CHMP4B: variants seen among roughly 807,000 people sequenced by gnomAD.
The protein encoded by CHMP4B is SNF7 homolog associated with Alix 1.
A neutral mutation model predicts 25.1 loss-of-function variants in CHMP4B; 1 was observed. The observed-to-expected ratio is 0.04, with a 90% CI of 0.01 to 0.19. CHMP4B has a LOEUF of 0.19. CHMP4B is among the 10% of genes least tolerant of loss of function. The pLI, the probability that CHMP4B is intolerant of heterozygous loss-of-function variation, is 1.00. For synonymous variants in CHMP4B, 101 were observed against 115.6 expected (o/e 0.87, Z 0.81); for missense variants, 151 against 289.7 (o/e 0.52, Z 3.48).
At chr20:33,851,897 G>C (rs893019094) in intron 3 of CHMP4B, among the ~76,000 whole-genome samples, 180 bp from the exon 4 acceptor site, 1 of 152,124 alleles carries the variant, frequency 6.6e-6, no homozygotes, top group Non-Finnish European at 1.5e-5. Context: ...GCAGTGATAC[G>C]TTCCCCAGTA....
chr20:33,821,404 A>AT (rs1449263737), intron 1 of CHMP4B, among the ~76,000 whole-genome samples: 2 of 151,970 alleles, frequency 1.3e-5, no homozygotes, highest in Admixed American at 1.3e-4. Flanking sequence ...AAAAAAAAAA[A>AT]AATCCTGGTT....
intron 1 of CHMP4B, among the ~76,000 whole-genome samples, chr20:33,818,636 G>A: frequency 6.6e-6 from 1 of 152,218 alleles, no homozygotes; most frequent in Non-Finnish European, 1.5e-5. Flanking sequence ...AAGAATGTGG[G>A]ATTTGGGGAC....
intron 1 of CHMP4B, among the ~76,000 whole-genome samples, chr20:33,833,146 G>T (rs192756436): frequency 1.9e-3 from 289 of 152,186 alleles, no homozygotes; most frequent in Admixed American, 2.6e-3. Flanking sequence ...TCCTCATATG[G>T]ATTTAGAGAA....
intron 2 of CHMP4B, 39 bp from the exon 3 acceptor site, chr20:33,850,913 C>A: frequency 6.8e-7 from 1 of 1,468,132 alleles, no homozygotes; most frequent in Non-Finnish European, 9.5e-7. Context: ...TTTACGCAGC[C>A]TAATCGATTG....
At chr20:33,827,131 C>G (rs1001567838) in intron 1 of CHMP4B, among the ~76,000 whole-genome samples, 1 of 152,210 alleles carries the variant, frequency 6.6e-6, no homozygotes, top group Non-Finnish European at 1.5e-5. Context: ...TGTCCTACCC[C>G]TGGGTGCCCC....
chr20:33,828,355 C>A (rs981656605), intron 1 of CHMP4B, among the ~76,000 whole-genome samples: 1 of 152,206 alleles, frequency 6.6e-6, no homozygotes, highest in South Asian at 2.1e-4. Flanking sequence ...ACCTGTTTCT[C>A]AACAGACGCT....
intron 1 of CHMP4B, among the ~76,000 whole-genome samples, chr20:33,812,633 G>A (rs1978664924): frequency 6.6e-6 from 1 of 152,230 alleles, no homozygotes; most frequent in African/African-American, 2.4e-5. Context: ...TTATGGCCAT[G>A]TGAGAGTGAA....
chr20:33,846,607 C>T (rs1979695617), intron 1 of CHMP4B, among the ~76,000 whole-genome samples: 1 of 152,174 alleles, frequency 6.6e-6, no homozygotes, highest in South Asian at 2.1e-4. Flanking sequence ...ATACGCAGGC[C>T]AAGCCGTTTT....
At chr20:33,817,606 A>G (rs1978818262) in intron 1 of CHMP4B, among the ~76,000 whole-genome samples, 1 of 152,174 alleles carries the variant, frequency 6.6e-6, no homozygotes. Flanking sequence ...TAATTTGTTT[A>G]CAGTGGTCCA....
intron 1 of CHMP4B, among the ~76,000 whole-genome samples, chr20:33,846,424 A>T (rs193280996): frequency 1.2e-3 from 181 of 152,346 alleles, no homozygotes; most frequent in African/African-American, 4.1e-3. Flanking sequence ...CAACATCAGA[A>T]TCAAGGGAGA....
At chr20:33,852,302 G>A in intron 4 of CHMP4B, 99 bp downstream of exon 4, 5 of 1,439,234 alleles carry the variant, frequency 3.5e-6, no homozygotes, top group Non-Finnish European at 4.9e-6. Flanking sequence ...TTGGTTTGTG[G>A]TCGGTTGGCT....
intron 1 of CHMP4B, among the ~76,000 whole-genome samples, chr20:33,823,206 G>GTAC (rs1439725341): frequency 6.6e-6 from 1 of 151,844 alleles, no homozygotes; most frequent in Non-Finnish European, 1.5e-5. Context: ...GAAATACCAT[G>GTAC]TACTTTACAA....
chr20:33,837,011 C>T (rs962874516), intron 1 of CHMP4B, among the ~76,000 whole-genome samples: 2 of 152,178 alleles, frequency 1.3e-5, no homozygotes, highest in Non-Finnish European at 2.9e-5. Flanking sequence ...GATAATCTCT[C>T]CGGGCCTCAA....
intron 1 of CHMP4B, among the ~76,000 whole-genome samples, chr20:33,815,551 T>C (rs1382201382): frequency 6.6e-6 from 1 of 152,098 alleles, no homozygotes; most frequent in Non-Finnish European, 1.5e-5. Context: ...GTGTACTTGA[T>C]AATTGTATAG....
intron 1 of CHMP4B, among the ~76,000 whole-genome samples, chr20:33,844,370 A>C (rs1979623837): frequency 6.6e-6 from 1 of 152,252 alleles, no homozygotes; most frequent in South Asian, 2.1e-4. Context: ...AGTAGATACT[A>C]AGCACTTACT....
intron 1 of CHMP4B, among the ~76,000 whole-genome samples, chr20:33,813,682 C>G (rs888468440): frequency 6.6e-6 from 1 of 152,054 alleles, no homozygotes; most frequent in African/African-American, 2.4e-5. Context: ...TTCCTCTGAT[C>G]TTTTGGTCTG....
intron 1 of CHMP4B, among the ~76,000 whole-genome samples, chr20:33,848,221 T>C (rs1979742169): frequency 1.3e-5 from 2 of 152,206 alleles, no homozygotes; most frequent in African/African-American, 4.8e-5. Flanking sequence ...GATTTGTGTG[T>C]GTGCGTGGTT....
intron 1 of CHMP4B, among the ~76,000 whole-genome samples, chr20:33,830,933 G>GGTTTTTTTTT (rs1555792006): frequency 9.8e-6 from 1 of 102,524 alleles, no homozygotes; most frequent in African/African-American, 3.7e-5. Flanking sequence ...AAGGAACAGA[G>GGTTTTTTTTT]TTTTTTTTTT....
chr20:33,812,757 A>G (rs1355518069), intron 1 of CHMP4B, among the ~76,000 whole-genome samples: 1 of 152,212 alleles, frequency 6.6e-6, no homozygotes, highest in African/African-American at 2.4e-5. Flanking sequence ...TCTGAAAGGA[A>G]AATCATGGAT....
Sources: allele counts gnomAD v4.1 joint callset (sites outside exome capture counted in the v4.1 genomes callset), GRCh38; gene constraint gnomAD v4.1.1; transcripts MANE v1.5; gene names NCBI Gene and HGNC (gene_info 2026-07-23, HGNC 2026-07-21).